PHACTR1: variants seen among roughly 807,000 people sequenced by gnomAD.
The protein encoded by PHACTR1 is phosphatase and actin regulator 1, also known as RPEL repeat containing 1.
Under a neutral mutation model 69.2 loss-of-function variants are expected in PHACTR1, and 16 were observed. The ratio of observed to expected loss-of-function variants is 0.23; its 90% CI spans 0.16 to 0.35. The LOEUF is 0.35. Among genes scored for constraint, PHACTR1 ranks in the 10% least tolerant of loss-of-function variants. The pLI is 1.00. For missense variants in PHACTR1, 510 were observed against 734.7 expected, an observed-to-expected ratio of 0.69 and a Z score of 3.54; for synonymous variants, 312 against 284.5, an observed-to-expected ratio of 1.10 and a Z score of -0.97.
At chr6:12,920,027 G>A (rs555897454) in intron 4 of PHACTR1, among the ~76,000 whole-genome samples, 12 of 152,232 alleles carry the variant, frequency 7.9e-5, no homozygotes, top group African/African-American at 2.9e-4. Context: ...TACCTTGGAG[G>A]ATAATTATCA....
At chr6:13,156,107 T>A (rs1183129656) in intron 5 of PHACTR1, among the ~76,000 whole-genome samples, 2 of 152,206 alleles carry the variant, frequency 1.3e-5, no homozygotes, top group Non-Finnish European at 2.9e-5. Flanking sequence ...CTTTCTGCCC[T>A]TCCACTTACA....
intron 4 of PHACTR1, among the ~76,000 whole-genome samples, chr6:12,937,723 C>T (rs1189243012): frequency 1.3e-5 from 2 of 152,138 alleles, no homozygotes; most frequent in Non-Finnish European, 2.9e-5. Context: ...ATCTGGAAAC[C>T]TGTATGAATT....
chr6:12,920,009 G>C (rs2127509860), intron 4 of PHACTR1, among the ~76,000 whole-genome samples: 1 of 152,196 alleles, frequency 6.6e-6, no homozygotes, highest in African/African-American at 2.4e-5. Flanking sequence ...TCAAAACATT[G>C]TAATATCTAC....
intron 5 of PHACTR1, among the ~76,000 whole-genome samples, chr6:13,154,804 C>G: frequency 6.6e-6 from 1 of 151,542 alleles, no homozygotes; most frequent in Admixed American, 6.6e-5. Flanking sequence ...CACTCCTCTT[C>G]TTCTAAATTC....
chr6:13,284,535 AAAAAAAAAATATAT>A (rs1478971201), intron 13 of PHACTR1, among the ~76,000 whole-genome samples: 4 of 104,976 alleles, frequency 3.8e-5, no homozygotes, highest in East Asian at 2.6e-4. Flanking sequence ...AAAAAAAAAA[AAAAAAAAAATATAT>A]ATATATATAT....
chr6:12,745,216 T>C (rs1262253298), intron 3 of PHACTR1, among the ~76,000 whole-genome samples: 1 of 152,212 alleles, frequency 6.6e-6, no homozygotes, highest in Non-Finnish European at 1.5e-5. Context: ...TCCTCTTCCA[T>C]AGCAGTTGGA....
chr6:12,765,663 A>C (rs773896801), intron 4 of PHACTR1, among the ~76,000 whole-genome samples: 15 of 152,188 alleles, frequency 9.9e-5, no homozygotes, highest in Non-Finnish European at 1.9e-4. Flanking sequence ...CAGGCCTCTT[A>C]GCATTTCTGT....
chr6:13,100,701 T>C (rs1436525950), intron 5 of PHACTR1, among the ~76,000 whole-genome samples: 2 of 152,140 alleles, frequency 1.3e-5, no homozygotes, highest in Non-Finnish European at 2.9e-5. Context: ...CTCTGTGGAG[T>C]TGAATTAATC....
chr6:13,009,028 T>C (rs1799150216), intron 4 of PHACTR1, among the ~76,000 whole-genome samples: 1 of 152,212 alleles, frequency 6.6e-6, no homozygotes, highest in South Asian at 2.1e-4. Context: ...CTCCAGCTTC[T>C]GGTGACTGTT....
At chr6:12,893,940 C>T (rs1784395881) in intron 4 of PHACTR1, among the ~76,000 whole-genome samples, 1 of 152,184 alleles carries the variant, frequency 6.6e-6, no homozygotes, top group African/African-American at 2.4e-5. Flanking sequence ...GCAAAGGAGA[C>T]AAGACACCTT....
intron 4 of PHACTR1, among the ~76,000 whole-genome samples, chr6:12,880,900 A>G (rs1411867977): frequency 6.6e-6 from 1 of 152,214 alleles, no homozygotes; most frequent in African/African-American, 2.4e-5. Flanking sequence ...GGAGCTTTTG[A>G]TTATCAGGCT....
chr6:12,796,591 A>C (rs969750903), intron 4 of PHACTR1, among the ~76,000 whole-genome samples: 1 of 152,220 alleles, frequency 6.6e-6, no homozygotes, highest in Non-Finnish European at 1.5e-5. Context: ...GATTCCCCAC[A>C]TATCTGCTAG....
At chr6:13,051,258 C>T (rs1482253806) in intron 4 of PHACTR1, among the ~76,000 whole-genome samples, 1 of 152,148 alleles carries the variant, frequency 6.6e-6, no homozygotes, top group Non-Finnish European at 1.5e-5. Context: ...CCTACCTCTG[C>T]ATGTGAGCTC....
chr6:13,110,284 C>T (rs1480595739), intron 5 of PHACTR1, among the ~76,000 whole-genome samples: 1 of 152,024 alleles, frequency 6.6e-6, no homozygotes, highest in Admixed American at 6.6e-5. Context: ...TTGCATGATC[C>T]CTCCAAAGCT....
At chr6:13,252,369 A>G (rs1046963026) in intron 10 of PHACTR1, among the ~76,000 whole-genome samples, 2 of 151,614 alleles carry the variant, frequency 1.3e-5, no homozygotes, top group East Asian at 1.9e-4. Context: ...GAAAAGAAAA[A>G]AGTCTAAAAA....
chr6:13,089,400 C>A (rs1211280820), intron 5 of PHACTR1, among the ~76,000 whole-genome samples: 1 of 152,088 alleles, frequency 6.6e-6, no homozygotes, highest in Non-Finnish European at 1.5e-5. Context: ...AAGGGCAGAT[C>A]TGGGGAGAGG....
At chr6:13,118,622 G>A (rs1339436090) in intron 5 of PHACTR1, among the ~76,000 whole-genome samples, 1 of 152,016 alleles carries the variant, frequency 6.6e-6, no homozygotes, top group East Asian at 1.9e-4. Context: ...GAGACTACAG[G>A]TGCGCACAAC....
intron 4 of PHACTR1, among the ~76,000 whole-genome samples, chr6:12,849,312 C>A (rs1302809846): frequency 6.6e-6 from 1 of 152,178 alleles, no homozygotes; most frequent in Non-Finnish European, 1.5e-5. Context: ...GGTCCCACGT[C>A]GGTGATTCGG....
At chr6:13,094,482 A>AG (rs372604563) in intron 5 of PHACTR1, among the ~76,000 whole-genome samples, 28 of 151,710 alleles carry the variant, frequency 1.8e-4, no homozygotes, top group South Asian at 4.2e-4. Flanking sequence ...TTTAGTAGAG[A>AG]GGGGGGGTTT....
Sources: allele counts gnomAD v4.1 joint callset (sites outside exome capture counted in the v4.1 genomes callset), GRCh38; gene constraint gnomAD v4.1.1; transcripts MANE v1.5; gene names NCBI Gene and HGNC (gene_info 2026-07-23, HGNC 2026-07-21).